EPS8: variants seen among roughly 807,000 people sequenced by gnomAD.
The protein encoded by EPS8 is EGFR pathway substrate 8, signaling adaptor.
A neutral mutation model predicts 103.8 loss-of-function variants in EPS8; 42 were observed. The ratio of observed to expected loss-of-function variants is 0.40; its 90% CI spans 0.32 to 0.52. The LOEUF (loss-of-function observed/expected upper bound fraction) is 0.52. EPS8 is among the 20% of genes least tolerant of loss of function. The pLI is 0.40. For synonymous variants in EPS8, 344 were observed against 344.6 expected, an observed-to-expected ratio of 1.00 and a Z score of 0.02; for missense variants, 969 against 1,005.1, an observed-to-expected ratio of 0.96 and a Z score of 0.49.
chr12:15,696,742 C>T lies in EPS8; in HGVS notation c.-21-13770G>A, dbSNP rs999424906. Reference sequence around the variant, plus strand: ...AGAAATGGGACTTTTTTTACATGTCCACTTTGAGGCCAGTGTCAATCTATA... The same window carrying T: ...AGAAATGGGACTTTTTTTACATGTCTACTTTGAGGCCAGTGTCAATCTATA... On this transcript the variant is annotated intron_variant, in intron 1 of 20. Coordinates refer to ENST00000281172, the MANE Select transcript of EPS8 (RefSeq NM_004447.6). This position sits in a 1 kb window ranked among gnomAD's most constrained non-coding sequence, Gnocchi z 4.8. Among the ~76,000 whole-genome samples the T allele has an allele frequency of 6.6e-6, 1 of 151,964 alleles. No individual in the cohort carries two copies. The highest frequency in any genetic ancestry group is 1.5e-5 in the Non-Finnish European group (1 of 67,968).
intron 17 of EPS8, among the ~76,000 whole-genome samples, chr12:15,638,771 T>C (rs1451914035): frequency 3.3e-5 from 5 of 152,216 alleles, no homozygotes; most frequent in Admixed American, 6.5e-5. Flanking sequence ...AAAGGAGGAA[T>C]AGGTTTGACA....
chr12:15,670,041 A>G (rs1273444004), intron 4 of EPS8, among the ~76,000 whole-genome samples: 3 of 152,220 alleles, frequency 2.0e-5, no homozygotes, highest in African/African-American at 7.2e-5. Context: ...GACTCATAAG[A>G]TACCTAAATC....
In EPS8 at chr12:15,771,584, A is replaced by G. The variant is rs1170729689; in HGVS notation, c.-22+17577T>C. Among the ~76,000 whole-genome samples, 4 of 152,224 alleles carry G rather than the reference A, an allele frequency of 2.6e-5. No individual in the cohort carries two copies. The East Asian group carries it at 7.7e-4, about 29-fold the overall frequency. ...GGTTAACTTTAATGTGAAAGCAGCA[A>G]AATCTGGCAATCAGTTGCATATGGC... is the stretch of plus-strand genomic sequence containing the variant. On this transcript the variant is annotated intron_variant, in intron 1 of 20. Transcript: ENST00000281172. The surrounding 1 kb of genome is among the most constrained non-coding windows in gnomAD (Gnocchi z 4.6).
chr12:15,741,818 T>C (rs1173568337), intron 1 of EPS8, among the ~76,000 whole-genome samples: 1 of 152,086 alleles, frequency 6.6e-6, no homozygotes, highest in Non-Finnish European at 1.5e-5. Context: ...ACCCATTAAC[T>C]CGTCATTTAC....
At chr12:15,766,008 G>T (rs961223044) in intron 1 of EPS8, among the ~76,000 whole-genome samples, 1 of 151,180 alleles carries the variant, frequency 6.6e-6, no homozygotes, top group Non-Finnish European at 1.5e-5. Context: ...TAGAGACAGG[G>T]TTTCACCATG....
Position 15,624,326 on chromosome 12 carries a change from A to T in EPS8, c.2126T>A (p.Phe709Tyr), listed in dbSNP as rs1335504415. The T allele has an allele frequency of 6.2e-7, 1 of 1,612,954 alleles. No individual in the cohort carries two copies. Among genetic ancestry groups the T allele is most frequent in the African/African-American group, 1.3e-5 (1 of 74,914 alleles). Residue 709 changes from phenylalanine to tyrosine, a missense_variant, in exon 19 of 21, where the codon TTC becomes TAC. By Grantham distance (22) the Phe-to-Tyr change is conservative (BLOSUM62 3). Coordinates refer to ENST00000281172, the MANE Select transcript of EPS8 (RefSeq NM_004447.6). ...TGGCACGTTCTGCCGTGGCACATGGAATTTCTTCTGAGCGGCACTCCGACC... is the reference window on the plus strand; with the variant it reads ...TGGCACGTTCTGCCGTGGCACATGGTATTTCTTCTGAGCGGCACTCCGACC... ...TIGRSAAQKK[F>Y]HVPRQNVPVI...
chr12:15,767,785 G>T lies in EPS8; in HGVS notation c.-22+21376C>A, dbSNP rs1947112246. ...TACCTGTCAAAATACTCATTTGTCA[G>T]TTTTAAGCTGTCTGGAAATCTGTTT... On this transcript the variant is annotated intron_variant, in intron 1 of 20. Coordinates refer to ENST00000281172, the MANE Select transcript of EPS8 (RefSeq NM_004447.6). The surrounding 1 kb of genome is among the most constrained non-coding windows in gnomAD (Gnocchi z 5.5). Among the ~76,000 whole-genome samples, 1 of 152,160 alleles carries T rather than the reference G, an allele frequency of 6.6e-6. No homozygotes were observed.
chr12:15,642,513 A>G (rs1005066309), intron 15 of EPS8, among the ~76,000 whole-genome samples: 1 of 152,158 alleles, frequency 6.6e-6, no homozygotes, highest in Non-Finnish European at 1.5e-5. Flanking sequence ...TAATCATTAA[A>G]TGAGTACTAA....
At position 15,749,774 on chromosome 12, in the gene EPS8, CTTCT is replaced by C. The variant is rs1299056578; in HGVS notation, c.-22+39383_-22+39386del. ...TACATGTTGAGATTATAGATATTTT[CTTCT>C]TTATTTTCTGTTTTCTAACATTAGT... On this transcript the variant is annotated intron_variant, in intron 1 of 20. Transcript: ENST00000281172. The surrounding 1 kb of genome is among the most constrained non-coding windows in gnomAD (Gnocchi z 4.0). Among the ~76,000 whole-genome samples the C allele has an allele frequency of 1.3e-5, 2 of 152,090 alleles. No individual in the cohort carries two copies. The highest frequency in any genetic ancestry group is 4.8e-5 in the African/African-American group (2 of 41,412).
At position 15,759,416 on chromosome 12, in the gene EPS8, A is replaced by T. The variant is rs1050222649; in HGVS notation, c.-22+29745T>A. On this transcript the variant is annotated intron_variant, in intron 1 of 20. Coordinates refer to ENST00000281172, the MANE Select transcript of EPS8 (RefSeq NM_004447.6). This position sits in a 1 kb window ranked among gnomAD's most constrained non-coding sequence, Gnocchi z 4.9. ...TTATAATGACCATCTACTGTATTTA[A>T]TATTTATCCATTAAGAAAGATACTA... 1.3e-5 allele frequency among the ~76,000 whole-genome samples: 2 copies of T among 152,146 alleles called. No homozygotes were observed. Among genetic ancestry groups the T allele is most frequent in the African/African-American group, 4.8e-5 (2 of 41,458 alleles).
chr12:15,756,947 T>C (rs560530852), intron 1 of EPS8, among the ~76,000 whole-genome samples: 2 of 152,314 alleles, frequency 1.3e-5, no homozygotes, highest in East Asian at 3.9e-4. Context: ...ACAGTCATCA[T>C]AATAACATCA....
At position 15,740,422 on chromosome 12, in the gene EPS8, G is replaced by C. The variant is rs1377096868; in HGVS notation, c.-22+48739C>G. On this transcript the variant is annotated intron_variant, in intron 1 of 20. Coordinates refer to ENST00000281172, the MANE Select transcript of EPS8 (RefSeq NM_004447.6). ...TAGCCAGGCGTGGTGGTGCATGCCT[G>C]TAATCCCAGCTACTCGGGAGGCCAA... is the stretch of plus-strand genomic sequence containing the variant. Among the ~76,000 whole-genome samples the C allele has an allele frequency of 3.3e-5, 5 of 152,034 alleles. 1 individual carries two copies. The highest frequency in any genetic ancestry group is 2.6e-4 in the Admixed American group (4 of 15,266).
At chr12:15,788,284 A>G (rs960508776) in intron 1 of EPS8, among the ~76,000 whole-genome samples, 2 of 152,210 alleles carry the variant, frequency 1.3e-5, no homozygotes, top group African/African-American at 2.4e-5. Context: ...TCACTGAAAC[A>G]TATTTTGTAA....
chr12:15,677,193 C>T (rs1236055195), intron 3 of EPS8, among the ~76,000 whole-genome samples: 1 of 152,172 alleles, frequency 6.6e-6, no homozygotes, highest in African/African-American at 2.4e-5. Flanking sequence ...CTCCCCATTC[C>T]CATGATGGCG....
chr12:15,666,989 T>C (rs1945724976), intron 6 of EPS8, among the ~76,000 whole-genome samples: 1 of 152,232 alleles, frequency 6.6e-6, no homozygotes, highest in Non-Finnish European at 1.5e-5. Context: ...CGCTAGGTTT[T>C]ACCCCTTTGG....
intron 1 of EPS8, among the ~76,000 whole-genome samples, chr12:15,782,497 C>G (rs896634991): frequency 5.3e-5 from 8 of 152,002 alleles, no homozygotes; most frequent in African/African-American, 1.7e-4. Context: ...GAGACTCTGT[C>G]TCAAAAAATT....
chr12:15,669,997 C>T (rs1945787549), intron 4 of EPS8, among the ~76,000 whole-genome samples, 172 bp from the exon 5 acceptor site: 1 of 152,070 alleles, frequency 6.6e-6, no homozygotes, highest in African/African-American at 2.4e-5. Flanking sequence ...TAAAGCCAAC[C>T]AAGGTTTTTT....
chr12:15,755,078 C>G (rs142908839), intron 1 of EPS8, among the ~76,000 whole-genome samples: 1 of 152,274 alleles, frequency 6.6e-6, no homozygotes, highest in African/African-American at 2.4e-5. Context: ...TTAGAGATGT[C>G]AGGAGAGAAG....
intron 3 of EPS8, among the ~76,000 whole-genome samples, 177 bp downstream of exon 3, chr12:15,681,049 G>A (rs1347781141): frequency 2.6e-5 from 4 of 152,114 alleles, no homozygotes. Flanking sequence ...ACAGCAAGCA[G>A]AGTTCATGGC....
Sources: gnomAD v4.1 joint callset for allele counts (sites outside exome capture counted in the v4.1 genomes callset) on GRCh38, gnomAD v4.1.1 for gene constraint, Gnocchi (gnomAD v3.1) non-coding constraint, MANE v1.5 for transcripts, NCBI Gene and HGNC (gene_info 2026-07-23, HGNC 2026-07-21) for gene names.